The following HABP2 variants were observed in gnomAD, a reference collection of about 807,000 sequenced individuals.
The protein encoded by HABP2 is hyaluronan binding protein 2, also known as factor VII-activating protease.
A neutral mutation model predicts 66.5 loss-of-function variants in HABP2; 65 were observed. That is an observed-to-expected ratio of 0.98 (90% CI 0.80 to 1.20). The LOEUF is 1.20. Among genes scored for constraint, HABP2 ranks in the 50% most tolerant of loss-of-function variants. HABP2 has a pLI of 0.00. For synonymous variants in HABP2, 263 were observed against 253.9 expected, an observed-to-expected ratio of 1.04 and a Z score of -0.34; for missense variants, 786 against 691.0, an observed-to-expected ratio of 1.14 and a Z score of -1.54.
intron 12 of HABP2, among the ~76,000 whole-genome samples, chr10:113,587,996 A>G (rs1472691627): frequency 6.6e-6 from 1 of 151,932 alleles, no homozygotes; most frequent in Non-Finnish European, 1.5e-5. Context: ...GCGTGGACTC[A>G]GGGACGGAGG....
Position 113,567,515 on chromosome 10 carries a change from C to A in HABP2, c.96C>A (p.Ser32Arg), listed in dbSNP as rs201589858. The A allele has an allele frequency of 1.2e-6, 2 of 1,611,804 alleles. No individual in the cohort carries two copies. The highest frequency in any genetic ancestry group is 2.2e-5 in the East Asian group (1 of 44,870). Residue 32 changes from serine (S) to arginine (R), a missense_variant, in exon 2 of 13, where the codon AGC becomes AGA. Ser to Arg is a moderately radical substitution (Grantham distance 110, BLOSUM62 -1). Coordinates refer to ENST00000351270, the MANE Select transcript of HABP2 (RefSeq NM_004132.5). Reference sequence around the variant, plus strand: ...TCTCCCTGATGTCTTTATTGGAAAGCCTGGACCCAGGTAAGTGTGCTGATC... The same window carrying A: ...TCTCCCTGATGTCTTTATTGGAAAGACTGGACCCAGGTAAGTGTGCTGATC... ...CGFSLMSLLE[S>R]LDPDWTPDQY...
Position 113,574,293 on chromosome 10 carries a change from G to A in HABP2, c.111G>A (p.Trp37Ter). 6.5e-7 allele frequency: 1 copy of A among 1,540,788 alleles called. No homozygotes were observed. Among genetic ancestry groups the A allele is most frequent in the Non-Finnish European group, 9.0e-7 (1 of 1,113,074 alleles). ...MSLLESLDPD[W>*]TPDQYDYSYE... ...GTCCTGTTACCATCCCTGCAGACTG[G>A]ACCCCTGACCAGTATGATTACAGCT... The change falls in exon 3 of 13, where the codon TGG (tryptophan) becomes TGA (stop). Residue 37 changes from tryptophan to a stop codon, truncating the protein, a stop_gained. Transcript: ENST00000351270. LOFTEE classifies it high-confidence loss of function.
At chr10:113,565,764 G>A (rs1307082673) in intron 1 of HABP2, among the ~76,000 whole-genome samples, 2 of 152,104 alleles carry the variant, frequency 1.3e-5, no homozygotes, top group African/African-American at 2.4e-5. Context: ...ACTGCATTTC[G>A]TTGCCATGTC....
At chr10:113,578,571 T>G in intron 6 of HABP2, 56 bp from the exon 7 acceptor site, 1 of 1,276,190 alleles carries the variant, frequency 7.8e-7, no homozygotes, top group South Asian at 1.3e-5. Flanking sequence ...AAGCCCTTTT[T>G]GGGAGTGGCA....
intron 10 of HABP2, among the ~76,000 whole-genome samples, chr10:113,583,664 C>CT (rs1430960758): frequency 6.6e-6 from 1 of 152,210 alleles, no homozygotes; most frequent in African/African-American, 2.4e-5. Flanking sequence ...CCTGAGCCCT[C>CT]TTTTCTCTTC....
chr10:113,565,584 T>C (rs4297397), intron 1 of HABP2, among the ~76,000 whole-genome samples: 49,557 of 152,134 alleles, frequency 0.33, 9,395 homozygotes, highest in East Asian at 0.51. Flanking sequence ...CTAATCCATT[T>C]GTAATGGATC....
rs562299656 is a variant in HABP2 at position 113,583,907 on chromosome 10, A to T, written c.1238-241A>T. 1.2e-4 allele frequency among the ~76,000 whole-genome samples: 19 copies of T among 152,284 alleles called. No homozygotes were observed. In the South Asian group the frequency reaches 1.7e-3, roughly 13 times the overall value. ...TTTCCCCTCTAATGGCCTGTTTCTT[A>T]AAAAATGGATTAGAAATGATTTCAA... On this transcript the variant is annotated intron_variant, in intron 10 of 12. Transcript: ENST00000351270.
In HABP2 at chr10:113,578,697, T is replaced by C. The variant is rs1217077349; in HGVS notation, c.639T>C (p.His213=). ...AAATGAATAGGACAGTCAACCAGCA[T>C]GCGTGCCTTTACTGGAACTCCCACC... ...RGKMNRTVNQ[H]ACLYWNSHLL... is the part of the protein sequence containing the mutation. Residue 213 remains histidine, a synonymous_variant, in exon 7 of 13, where the codon CAT becomes CAC. Coordinates refer to ENST00000351270, the MANE Select transcript of HABP2 (RefSeq NM_004132.5). 4 of 1,606,688 alleles carry C rather than the reference T, an allele frequency of 2.5e-6. No homozygotes were observed. Among genetic ancestry groups the C allele is most frequent in the Non-Finnish European group, 2.6e-6 (3 of 1,173,210 alleles).
chr10:113,578,891 T>C, intron 7 of HABP2, 93 bp downstream of exon 7: 1 of 873,780 alleles, frequency 1.1e-6, no homozygotes, highest in South Asian at 1.5e-5. Context: ...AGGAAGATTT[T>C]CTTACTCAGC....
At chr10:113,578,166 C>A in intron 6 of HABP2, 21 bp downstream of exon 6, 1 of 1,613,424 alleles carries the variant, frequency 6.2e-7, no homozygotes, top group South Asian at 1.1e-5. Context: ...CTGCCACCAT[C>A]AGGGCCACAA....
In HABP2 at chr10:113,577,192, G is replaced by A. The variant is rs1297292245; in HGVS notation, c.374G>A (p.Cys125Tyr). 4 of 1,613,130 alleles carry A rather than the reference G, an allele frequency of 2.5e-6. No individual in the cohort carries two copies. The East Asian group carries it at 8.9e-5, about 36-fold the overall frequency. Reference sequence around the variant, plus strand: ...GACAACCCATGTGGCCGGGGCCAATGTCTCATTACCCAGAGTCCTCCCTAC... The same window carrying A: ...GACAACCCATGTGGCCGGGGCCAATATCTCATTACCCAGAGTCCTCCCTAC... ...CKDNPCGRGQ[C>Y]LITQSPPYYR... Residue 125 changes from cysteine (C) to tyrosine (Y), a missense_variant, in exon 5 of 13, where the codon TGT (cysteine) becomes TAT (tyrosine). Transcript: ENST00000351270.
intron 1 of HABP2, among the ~76,000 whole-genome samples, chr10:113,559,334 C>T (rs1205238361): frequency 4.6e-5 from 7 of 152,174 alleles, no homozygotes; most frequent in Non-Finnish European, 7.3e-5. Flanking sequence ...GTCTCACCTG[C>T]GGAGTAATCA....
intron 2 of HABP2, chr10:113,570,215 G>A (rs1845280010): frequency 6.6e-6 from 1 of 152,206 alleles, no homozygotes; most frequent in African/African-American, 2.4e-5. Context: ...CTGCAAAATA[G>A]GAATAATAAT....
At chr10:113,568,646 T>C (rs1230810897) in intron 2 of HABP2, among the ~76,000 whole-genome samples, 1 of 152,172 alleles carries the variant, frequency 6.6e-6, no homozygotes, top group Non-Finnish European at 1.5e-5. Flanking sequence ...AGTTATCCCC[T>C]AGCTGATGAA....
chr10:113,559,985 C>T (rs775645534), intron 1 of HABP2, among the ~76,000 whole-genome samples: 8 of 152,236 alleles, frequency 5.3e-5, no homozygotes, highest in Admixed American at 1.3e-4. Context: ...CTTCACCATG[C>T]TGGGCCTCAT....
chr10:113,568,992 G>A (rs1163700819), intron 2 of HABP2, among the ~76,000 whole-genome samples: 1 of 152,178 alleles, frequency 6.6e-6, no homozygotes, highest in Non-Finnish European at 1.5e-5. Flanking sequence ...GAAAGGGAGT[G>A]GAGTTAGCCA....
rs559514012 is a variant in HABP2 at position 113,586,945 on chromosome 10, G to A, written c.1518+1007G>A. On this transcript the variant is annotated intron_variant, in intron 12 of 12. Coordinates refer to ENST00000351270, the MANE Select transcript of HABP2 (RefSeq NM_004132.5). Reference sequence around the variant, plus strand: ...TGTCTCTTCCCAGTGAGCCAAGGATGTTCACCTACTCAGAGGAGGGGCAGA... The same window carrying A: ...TGTCTCTTCCCAGTGAGCCAAGGATATTCACCTACTCAGAGGAGGGGCAGA... 3.3e-5 allele frequency among the ~76,000 whole-genome samples: 5 copies of A among 152,288 alleles called. No individual in the cohort carries two copies. In the South Asian group the frequency reaches 6.2e-4, roughly 19 times the overall value.
Position 113,588,259 on chromosome 10 carries a change from G to A in HABP2, c.1573G>A (p.Gly525Arg), listed in dbSNP as rs757392097. 6.2e-7 allele frequency: 1 copy of A among 1,613,698 alleles called. No individual in the cohort carries two copies. The highest frequency in any genetic ancestry group is 8.5e-7 in the Non-Finnish European group (1 of 1,179,736). ...GAAGGACGGCACCTACTACGTCTATGGGATAGTGAGCTGGGGCCTGGAGTG... is the reference window on the plus strand; with the variant it reads ...GAAGGACGGCACCTACTACGTCTATAGGATAGTGAGCTGGGGCCTGGAGTG... ...CEKDGTYYVY[G>R]IVSWGLECGK... The change falls in exon 13 of 13, where the codon GGG (glycine) becomes AGG (arginine). Residue 525 changes from glycine (G) to arginine (R), a missense_variant. By Grantham distance (125) the Gly-to-Arg change is moderately radical. Transcript: ENST00000351270.
At chr10:113,552,963 A>G (rs759548402), upstream of HABP2, 1 of 600,562 alleles carries the variant, frequency 1.7e-6, no homozygotes, top group Non-Finnish European at 3.0e-6. Context: ...GTTAGTTTGC[A>G]AAACATTAAA....
Sources: gnomAD v4.1 joint callset for allele counts (sites outside exome capture counted in the v4.1 genomes callset) on GRCh38, gnomAD v4.1.1 for gene constraint, MANE v1.5 for transcripts, NCBI Gene and HGNC (gene_info 2026-07-23, HGNC 2026-07-21) for gene names.